The following RPS6KC1 variants were observed in gnomAD, a reference collection of about 807,000 sequenced individuals.
RPS6KC1 encodes ribosomal protein S6 kinase C1.
In RPS6KC1, 54 loss-of-function variants were observed where a neutral mutation model predicts 103.8. The ratio of observed to expected loss-of-function variants is 0.52; its 90% confidence interval spans 0.42 to 0.65. The LOEUF is 0.65. RPS6KC1 is among the 30% of genes least tolerant of loss of function. RPS6KC1 has a pLI of 0.00. For synonymous variants in RPS6KC1, 439 were observed against 438.7 expected (o/e 1.00, Z -0.01); for missense variants, 1,151 against 1,253.8 (o/e 0.92, Z 1.24).
chr1:213,260,661 A>G (rs1463280927), intron 12 of RPS6KC1, among the ~76,000 whole-genome samples: 1 of 146,904 alleles, frequency 6.8e-6, no homozygotes. Flanking sequence ...TTTTTTTTTC[A>G]GTCAATTGGA....
At chr1:213,814,525 A>G in the RPS6KC1 span, among the ~76,000 whole-genome samples, 2 of 152,198 alleles carry the variant, frequency 1.3e-5, no homozygotes, top group Non-Finnish European at 2.9e-5. Context: ...AGAATGGTTT[A>G]CATTGTGGAT....
chr1:213,085,145 C>A (rs1021314053), intron 3 of RPS6KC1, among the ~76,000 whole-genome samples: 1 of 152,242 alleles, frequency 6.6e-6, no homozygotes, highest in Non-Finnish European at 1.5e-5. Flanking sequence ...AGGAGAGACA[C>A]TGTTCCTTGC....
At chr1:213,718,075 C>T in the RPS6KC1 span, among the ~76,000 whole-genome samples, 256 of 152,360 alleles carry the variant, frequency 1.7e-3, 1 homozygote, top group African/African-American at 5.8e-3. Flanking sequence ...TTCTCCATTG[C>T]CTCTTGTGCT....
Position 213,161,993 on chromosome 1 carries a change from G to A in RPS6KC1, c.836-5865G>A, listed in dbSNP as rs2090518410. ...TTTTGGGGGTCAGGAGACTTTCCATGTTTACCAGATTAAAAACTCATAATT... is the reference window on the plus strand; with the variant it reads ...TTTTGGGGGTCAGGAGACTTTCCATATTTACCAGATTAAAAACTCATAATT... On this transcript the variant is annotated intron_variant, in intron 6 of 14. Transcript: ENST00000366960. Among the ~76,000 whole-genome samples the A allele has an allele frequency of 4.6e-5, 7 of 152,202 alleles. 2 individuals are homozygous for A. In the South Asian group the frequency reaches 1.5e-3, roughly 32 times the overall value.
intron 8 of RPS6KC1, among the ~76,000 whole-genome samples, chr1:213,202,106 A>G (rs767751146): frequency 7.2e-5 from 11 of 152,212 alleles, no homozygotes; most frequent in Non-Finnish European, 1.3e-4. Flanking sequence ...TTTTGTATAA[A>G]CACACTAAGT....
At chr1:213,187,681 T>A (rs1328010384) in intron 8 of RPS6KC1, among the ~76,000 whole-genome samples, 1 of 152,176 alleles carries the variant, frequency 6.6e-6, no homozygotes, top group Non-Finnish European at 1.5e-5. Flanking sequence ...CTTGTTAGGA[T>A]CAGTTGCCGG....
Position 213,130,025 on chromosome 1 carries a change from T to C in RPS6KC1, c.835+136T>C, listed in dbSNP as rs913346493. On this transcript the variant is annotated intron_variant, in intron 6 of 14. Coordinates refer to ENST00000366960, the MANE Select transcript of RPS6KC1 (RefSeq NM_012424.6). Reference sequence around the variant, plus strand: ...AGAAATTACTGAAGCTTAAAAGACCTATATATGGATATATACTTTAAGTTC... The same window carrying C: ...AGAAATTACTGAAGCTTAAAAGACCCATATATGGATATATACTTTAAGTTC... 2.0e-5 allele frequency: 15 copies of C among 767,354 alleles called. No individual in the cohort carries two copies. The African/African-American group carries it at 2.7e-4, about 14-fold the overall frequency. The allele number at this position is 767,354 out of a possible 1,614,324, so 47.5% of individuals were successfully genotyped here.
the RPS6KC1 span, among the ~76,000 whole-genome samples, chr1:213,686,813 C>T: frequency 2.2e-4 from 34 of 152,278 alleles, no homozygotes; most frequent in Non-Finnish European, 3.5e-4. Flanking sequence ...CTTGGGGCAG[C>T]TGGTTGGCTA....
chr1:213,518,337 A>C, the RPS6KC1 span, among the ~76,000 whole-genome samples: 1 of 152,344 alleles, frequency 6.6e-6, no homozygotes, highest in East Asian at 1.9e-4. Context: ...TTCTAAATCC[A>C]ATAACAATCA....
At chr1:213,855,859 A>G in the RPS6KC1 span, among the ~76,000 whole-genome samples, 1 of 152,170 alleles carries the variant, frequency 6.6e-6, no homozygotes, top group Non-Finnish European at 1.5e-5. Flanking sequence ...TCTCCATCCC[A>G]GTGTGATTTT....
At chr1:213,406,977 C>G in the RPS6KC1 span, among the ~76,000 whole-genome samples, 1 of 152,142 alleles carries the variant, frequency 6.6e-6, no homozygotes, top group African/African-American at 2.4e-5. Flanking sequence ...ACTTGCAAGG[C>G]CTGGCTGGAG....
At chr1:213,658,426 GC>G in the RPS6KC1 span, among the ~76,000 whole-genome samples, 1 of 152,316 alleles carries the variant, frequency 6.6e-6, no homozygotes, top group East Asian at 1.9e-4. Flanking sequence ...CACTGAGGGG[GC>G]AGAAGGAGGA....
At chr1:213,327,810 A>C in the RPS6KC1 span, among the ~76,000 whole-genome samples, 2 of 152,192 alleles carry the variant, frequency 1.3e-5, no homozygotes, top group Non-Finnish European at 2.9e-5. Flanking sequence ...ACATTTCTCT[A>C]TCCCACCTCC....
At chr1:213,405,080 A>G in the RPS6KC1 span, among the ~76,000 whole-genome samples, 4 of 152,216 alleles carry the variant, frequency 2.6e-5, no homozygotes, top group Non-Finnish European at 4.4e-5. Context: ...GGAGGAGACC[A>G]TGGCAGTTTT....
chr1:213,157,291 G>A (rs550494301), intron 6 of RPS6KC1, among the ~76,000 whole-genome samples: 2 of 150,824 alleles, frequency 1.3e-5, no homozygotes, highest in South Asian at 2.1e-4. Context: ...TCGGCTCACT[G>A]CAGGCTCCAC....
intron 6 of RPS6KC1, among the ~76,000 whole-genome samples, chr1:213,152,148 A>C (rs1378426845): frequency 2.0e-5 from 2 of 100,184 alleles, no homozygotes; most frequent in Admixed American, 1.1e-4. Flanking sequence ...GGCGCCCCTC[A>C]CCTCCTGGAC....
At chr1:213,597,106 T>A in the RPS6KC1 span, among the ~76,000 whole-genome samples, 7 of 152,330 alleles carry the variant, frequency 4.6e-5, no homozygotes, top group Non-Finnish European at 1.0e-4. Flanking sequence ...GTTGGTTATT[T>A]TTTTCCTTAC....
At chr1:213,815,716 G>A in the RPS6KC1 span, among the ~76,000 whole-genome samples, 4 of 152,168 alleles carry the variant, frequency 2.6e-5, no homozygotes, top group African/African-American at 4.8e-5. Flanking sequence ...TAACTTTCTC[G>A]CTATTAGCAA....
chr1:213,069,849 A>C (rs2078708242), intron 1 of RPS6KC1, among the ~76,000 whole-genome samples: 1 of 152,188 alleles, frequency 6.6e-6, no homozygotes, highest in Admixed American at 6.5e-5. Flanking sequence ...GTACCGTATT[A>C]TGTAATCTAA....
Sources: gnomAD v4.1 joint callset for allele counts (sites outside exome capture counted in the v4.1 genomes callset) on GRCh38, gnomAD v4.1.1 for gene constraint, MANE v1.5 for transcripts, NCBI Gene and HGNC (gene_info 2026-07-23, HGNC 2026-07-21) for gene names.